The following SMC5 variants were observed in gnomAD, a reference collection of about 807,000 sequenced individuals.
SMC5 encodes structural maintenance of chromosomes protein 5.
In SMC5, 88 loss-of-function variants were observed where a neutral mutation model predicts 148.3. The observed-to-expected ratio is 0.59, with a 90% CI of 0.50 to 0.71. The LOEUF (loss-of-function observed/expected upper bound fraction) is 0.71. Among genes scored for constraint, SMC5 ranks in the 30% least tolerant of loss-of-function variants. The pLI is 0.00. For synonymous variants in SMC5, 421 were observed against 432.8 expected (o/e 0.97, Z 0.34); for missense variants, 1,142 against 1,298.9 (o/e 0.88, Z 1.86).
chr9:70,272,392 A>G (rs1356133651), intron 3 of SMC5, among the ~76,000 whole-genome samples: 1 of 152,224 alleles, frequency 6.6e-6, no homozygotes, highest in East Asian at 1.9e-4. Flanking sequence ...TTTCGGAATC[A>G]AACATGGTAA....
chr9:70,346,644 C>A lies in SMC5; in HGVS notation c.2563C>A (p.Pro855Thr). 1 of 1,613,956 alleles carries A rather than the reference C, an allele frequency of 6.2e-7. No individual in the cohort carries two copies. Residue 855 changes from proline to threonine, a missense_variant, in exon 19 of 25, where the codon CCC becomes ACC. Pro to Thr is a conservative substitution (Grantham distance 38). This residue lies in a region of SMC5 where 743 missense variants were observed against 835.7 expected (regional missense o/e 0.89). Coordinates refer to ENST00000361138, the MANE Select transcript of SMC5 (RefSeq NM_015110.4). Reference protein sequence around the residue: ...TIPNGHNSSLPMVFQDLPNTL... With the variant: ...TIPNGHNSSLTMVFQDLPNTL... ...TCCAAATGGACACAACTCCTCACTC[C>A]CCATGGTATGCAGTACTCATTCTTT...
rs2035874934 is a variant in SMC5, at chr9:70,318,826, A to G, written c.2013A>G (p.Ser671=). 11 of 1,595,676 alleles carry G rather than the reference A, an allele frequency of 6.9e-6. No homozygotes were observed. The highest frequency in any genetic ancestry group is 8.5e-6 in the Non-Finnish European group (10 of 1,174,172). ...EIHRKLQAVD[S]GLIALRETSK... is the part of the protein sequence containing the mutation. ...ATAGAAAATTGCAAGCAGTGGATTC[A>G]GGGTTGATTGCCTTACGTGAAACAA... The change falls in exon 15 of 25, where the codon TCA becomes TCG. Residue 671 remains serine, a synonymous_variant. Transcript: ENST00000361138.
At chr9:70,284,460 G>A (rs572426860) in intron 7 of SMC5, among the ~76,000 whole-genome samples, 92 of 152,262 alleles carry the variant, frequency 6.0e-4, no homozygotes, top group Middle Eastern at 3.4e-3. Flanking sequence ...TGTTAATGAT[G>A]GTTGGTTATA....
rs141300405 is a variant in SMC5, at chr9:70,348,125, T to C, written c.2889+87T>C. 8.4e-4 allele frequency: 1,033 copies of C among 1,223,298 alleles called. 11 individuals carry two copies. The African/African-American group carries it at 0.014, about 17-fold the overall frequency. 75.8% of individuals were successfully genotyped at this position (1,223,298 alleles called of 1,614,324 possible). ...TACATATAAATTATTTATTTACTTT[T>C]GAGTTATATCTGTGAAAAGTTTTGT... On this transcript the variant is annotated intron_variant, in intron 22 of 24. Transcript: ENST00000361138.
chr9:70,316,445 A>C (rs2035803709), intron 13 of SMC5, among the ~76,000 whole-genome samples: 1 of 139,984 alleles, frequency 7.1e-6, no homozygotes. Context: ...TTGCAAAAAC[A>C]AGTTACTTAA....
rs750803383 is a variant in SMC5, at chr9:70,300,118, G to A, written c.1382G>A (p.Arg461His). The stretch of plus-strand genomic sequence containing the variant: ...GAAGATAAGCTAAGACAGAGATTCC[G>A]TGACACGTATGATGCTGTTTTATGG... ...QKEDKLRQRF[R>H]DTYDAVLWLR... is the part of the protein sequence containing the mutation. The change falls in exon 10 of 25, where the codon CGT becomes CAT. Residue 461 changes from arginine (R) to histidine (H), a missense_variant. Transcript: ENST00000361138. The A allele has an allele frequency of 7.6e-5, 122 of 1,603,742 alleles. No homozygotes were observed. The highest frequency in any genetic ancestry group is 9.6e-5 in the Non-Finnish European group (113 of 1,177,118).
chr9:70,330,352 G>T (rs1293341584), intron 17 of SMC5, among the ~76,000 whole-genome samples: 1 of 152,124 alleles, frequency 6.6e-6, no homozygotes, highest in East Asian at 1.9e-4. Flanking sequence ...GCCCCCTGGG[G>T]AGCAAAAGTA....
intron 17 of SMC5, among the ~76,000 whole-genome samples, chr9:70,337,629 A>G (rs1024704664): frequency 4.6e-5 from 7 of 151,752 alleles, no homozygotes; most frequent in African/African-American, 1.7e-4. Context: ...CTAATTGGCT[A>G]ATTTTTGCAT....
intron 2 of SMC5, among the ~76,000 whole-genome samples, chr9:70,265,033 G>T (rs1324868086): frequency 6.6e-6 from 1 of 152,154 alleles, no homozygotes; most frequent in Non-Finnish European, 1.5e-5. Flanking sequence ...CAGTGTAAAA[G>T]ATAAAAATGG....
At chr9:70,345,487 C>A (rs1587719277) in intron 18 of SMC5, among the ~76,000 whole-genome samples, 2 of 151,892 alleles carry the variant, frequency 1.3e-5, no homozygotes, top group East Asian at 3.9e-4. Flanking sequence ...TGAAAAGATA[C>A]CATTTTATAA....
intron 17 of SMC5, among the ~76,000 whole-genome samples, chr9:70,335,240 C>T (rs932270085): frequency 1.2e-4 from 18 of 152,154 alleles, no homozygotes; most frequent in East Asian, 1.9e-4. Context: ...GCCTATAATC[C>T]CAGCACTTTA....
intron 15 of SMC5, among the ~76,000 whole-genome samples, chr9:70,320,601 G>A (rs1184541016): frequency 6.6e-6 from 1 of 152,062 alleles, no homozygotes; most frequent in Non-Finnish European, 1.5e-5. Flanking sequence ...GATGTTCATA[G>A]GCCATATGCA....
chr9:70,283,042 A>G (rs896050950), intron 7 of SMC5, among the ~76,000 whole-genome samples: 1 of 152,244 alleles, frequency 6.6e-6, no homozygotes, highest in Non-Finnish European at 1.5e-5. Context: ...TTTTGAAGTT[A>G]GAGATTATTT....
At chr9:70,350,572 C>A in intron 24 of SMC5, 101 bp downstream of exon 24, 1 of 673,070 alleles carries the variant, frequency 1.5e-6, no homozygotes, top group Non-Finnish European at 2.4e-6. Context: ...CAGGAACACT[C>A]CCAAAAAAGG....
chr9:70,331,288 T>C (rs1015949376), intron 17 of SMC5, among the ~76,000 whole-genome samples: 2 of 152,198 alleles, frequency 1.3e-5, no homozygotes, highest in Non-Finnish European at 2.9e-5. Flanking sequence ...TAAAATACTT[T>C]CAAGGAAAAG....
intron 17 of SMC5, among the ~76,000 whole-genome samples, chr9:70,342,300 T>A (rs2036549660): frequency 2.0e-5 from 3 of 149,344 alleles, no homozygotes; most frequent in South Asian, 2.2e-4. Context: ...GATGACGAGT[T>A]AATGGGTGCA....
chr9:70,274,985 G>T (rs2034548968), intron 3 of SMC5, among the ~76,000 whole-genome samples: 1 of 151,876 alleles, frequency 6.6e-6, no homozygotes. Flanking sequence ...TTTCTGTTTT[G>T]CTTTTCATTC....
chr9:70,310,616 T>C (rs2035632118), intron 11 of SMC5, among the ~76,000 whole-genome samples: 1 of 152,224 alleles, frequency 6.6e-6, no homozygotes, highest in Admixed American at 6.5e-5. Context: ...GATACATTCA[T>C]CCCTAACAAG....
chr9:70,291,457 C>T (rs1276235359), intron 8 of SMC5, among the ~76,000 whole-genome samples: 1 of 152,180 alleles, frequency 6.6e-6, no homozygotes, highest in Admixed American at 6.5e-5. Context: ...AGGGTCTTCT[C>T]AGGTCTTTCT....
Sources: allele counts gnomAD v4.1 joint callset (sites outside exome capture counted in the v4.1 genomes callset), GRCh38; gene constraint gnomAD v4.1.1; regional missense constraint gnomAD v4.1.1; transcripts MANE v1.5; gene names NCBI Gene and HGNC (gene_info 2026-07-23, HGNC 2026-07-21).